FRMD3: variants seen among roughly 807,000 people sequenced by gnomAD.
FRMD3 encodes the protein FERM domain containing 3, also known as FERM domain-containing protein 3.
A neutral mutation model predicts 70.2 loss-of-function variants in FRMD3; 33 were observed. That is an observed-to-expected ratio of 0.47 (90% CI 0.36 to 0.63). FRMD3 has a LOEUF of 0.63. FRMD3 is among the 20% of genes least tolerant of loss of function. FRMD3 has a pLI of 0.00. For synonymous variants in FRMD3, 279 were observed against 255.9 expected (o/e 1.09, Z -0.86); for missense variants, 632 against 711.4 (o/e 0.89, Z 1.27).
intron 1 of FRMD3, among the ~76,000 whole-genome samples, chr9:83,519,042 G>A (rs1264154207): frequency 6.6e-6 from 1 of 152,154 alleles, no homozygotes; most frequent in Non-Finnish European, 1.5e-5. Flanking sequence ...AAAAACCCTA[G>A]AAGAAAACCT....
rs1222157002 is a variant in FRMD3, at chr9:83,452,055, A to G, written c.148-62347T>C. 2.0e-5 allele frequency among the ~76,000 whole-genome samples: 3 copies of G among 152,334 alleles called. No homozygotes were observed. The East Asian group carries it at 5.8e-4, about 29-fold the overall frequency. On this transcript the variant is annotated intron_variant, in intron 1 of 13. Coordinates refer to ENST00000304195, the MANE Select transcript of FRMD3 (RefSeq NM_174938.6). ...GTCAACAGAGGGAGACTGGCAGGCTATCAATCCTTGCCCCCTTTTCTGGGC... is the reference window on the plus strand; with the variant it reads ...GTCAACAGAGGGAGACTGGCAGGCTGTCAATCCTTGCCCCCTTTTCTGGGC...
chr9:83,308,738 A>T (rs999454331), intron 10 of FRMD3, among the ~76,000 whole-genome samples: 1 of 152,108 alleles, frequency 6.6e-6, no homozygotes, highest in African/African-American at 2.4e-5. Context: ...ACTTTCTATG[A>T]TCCTAGGCTC....
intron 1 of FRMD3, among the ~76,000 whole-genome samples, chr9:83,520,794 C>T (rs567321472): frequency 6.6e-6 from 1 of 152,144 alleles, no homozygotes; most frequent in African/African-American, 2.4e-5. Flanking sequence ...TAGCTGGGCT[C>T]ATGACTACTC....
intron 6 of FRMD3, among the ~76,000 whole-genome samples, chr9:83,330,236 T>A (rs1836201634): frequency 6.6e-6 from 1 of 151,462 alleles, no homozygotes; most frequent in Middle Eastern, 3.4e-3. Flanking sequence ...GGGTGGCGCA[T>A]GCCTGTAGTC....
intron 6 of FRMD3, among the ~76,000 whole-genome samples, chr9:83,334,291 C>A (rs7861973): frequency 0.88 from 133,449 of 152,276 alleles, 58,635 homozygotes; most frequent in African/African-American, 0.9. Context: ...CATAGATGGC[C>A]TGTTGCTTTC....
chr9:83,357,021 A>G (rs1048538901), intron 3 of FRMD3, among the ~76,000 whole-genome samples: 2 of 150,986 alleles, frequency 1.3e-5, no homozygotes, highest in African/African-American at 4.9e-5. Context: ...GAAATACTCA[A>G]TTAGAGTCTT....
intron 13 of FRMD3, chr9:83,276,649 A>G (rs1390811051): frequency 6.6e-6 from 1 of 152,236 alleles, no homozygotes; most frequent in East Asian, 1.9e-4. Context: ...AGAAGAGCAA[A>G]TGGTCGCTAC....
intron 1 of FRMD3, among the ~76,000 whole-genome samples, chr9:83,505,187 T>C (rs1383397018): frequency 1.3e-5 from 2 of 152,190 alleles, no homozygotes; most frequent in African/African-American, 4.8e-5. Flanking sequence ...ATAGAAGCAA[T>C]GGAACAGTCT....
At chr9:83,461,311 A>T (rs1329153420) in intron 1 of FRMD3, among the ~76,000 whole-genome samples, 2 of 152,202 alleles carry the variant, frequency 1.3e-5, no homozygotes, top group African/African-American at 4.8e-5. Flanking sequence ...AGAAGCTGGA[A>T]AAGATAAGAG....
chr9:83,248,428 A>G lies in FRMD3; in HGVS notation c.1284T>C (p.Pro428=). The part of the protein sequence containing the change: ...VKAAREYEDP[P]SEEEDKIKEE... ...CTTTTATTTTATCTTCCTCTTCACT[A>G]GGGGGATCTTCATACTCCCGGGCTG... Residue 428 remains proline, a synonymous_variant, in exon 14 of 14, where the codon CCT becomes CCC. Transcript: ENST00000304195. 6.2e-7 allele frequency: 1 copy of G among 1,614,124 alleles called. No individual in the cohort carries two copies. Among genetic ancestry groups the G allele is most frequent in the Non-Finnish European group, 8.5e-7 (1 of 1,180,016 alleles).
intron 1 of FRMD3, among the ~76,000 whole-genome samples, chr9:83,412,615 C>T (rs996629755): frequency 6.6e-6 from 1 of 152,228 alleles, no homozygotes; most frequent in African/African-American, 2.4e-5. Flanking sequence ...GCCAGTGATA[C>T]GGCTTTTGCC....
At chr9:83,417,346 T>C (rs2131351055) in intron 1 of FRMD3, among the ~76,000 whole-genome samples, 2 of 152,342 alleles carry the variant, frequency 1.3e-5, no homozygotes, top group Middle Eastern at 6.8e-3. Context: ...GAGCTTATAT[T>C]CTAATGTAAA....
intron 1 of FRMD3, among the ~76,000 whole-genome samples, chr9:83,511,142 C>A (rs1337466693): frequency 6.6e-6 from 1 of 152,198 alleles, no homozygotes; most frequent in African/African-American, 2.4e-5. Flanking sequence ...CTGGCCAGGG[C>A]TAACTCATTA....
At chr9:83,361,720 T>C (rs1824590995) in intron 3 of FRMD3, among the ~76,000 whole-genome samples, 1 of 152,034 alleles carries the variant, frequency 6.6e-6, no homozygotes, top group African/African-American at 2.4e-5. Flanking sequence ...TCATATTAGG[T>C]TAGGGTGGTC....
At chr9:83,484,250 T>C (rs562684178) in intron 1 of FRMD3, among the ~76,000 whole-genome samples, 69 of 152,364 alleles carry the variant, frequency 4.5e-4, no homozygotes, top group Non-Finnish European at 8.8e-4. Context: ...CATTTGAGCA[T>C]GTTTCTAAAT....
chr9:83,325,535 C>T (rs769790897), intron 6 of FRMD3, among the ~76,000 whole-genome samples: 3 of 151,892 alleles, frequency 2.0e-5, no homozygotes, highest in Non-Finnish European at 2.9e-5. Context: ...ATGTTGCCCA[C>T]GCTGGTCTCG....
intron 1 of FRMD3, among the ~76,000 whole-genome samples, chr9:83,408,327 C>T (rs761767285): frequency 2.6e-5 from 4 of 152,158 alleles, no homozygotes; most frequent in Non-Finnish European, 4.4e-5. Flanking sequence ...CAAGGATATT[C>T]GGGAGGAAAA....
At chr9:83,408,728 C>T (rs1826196046) in intron 1 of FRMD3, among the ~76,000 whole-genome samples, 1 of 152,212 alleles carries the variant, frequency 6.6e-6, no homozygotes, top group Non-Finnish European at 1.5e-5. Flanking sequence ...TTCTGCCTCT[C>T]AGGTTGAGCC....
chr9:83,560,404 G>A, the FRMD3 span, among the ~76,000 whole-genome samples: 5 of 152,230 alleles, frequency 3.3e-5, no homozygotes, highest in South Asian at 4.1e-4. Flanking sequence ...CCTTTCAGCC[G>A]GGGCCCCAGA....
Sources: gnomAD v4.1 joint callset for allele counts (sites outside exome capture counted in the v4.1 genomes callset) on GRCh38, gnomAD v4.1.1 for gene constraint, MANE v1.5 for transcripts, NCBI Gene and HGNC (gene_info 2026-07-23, HGNC 2026-07-21) for gene names.